Variants in MCTS1 observed in about 807,000 individuals in gnomAD.
MCTS1 encodes the protein MCTS1 re-initiation and release factor.
For synonymous variants in MCTS1, 26 were observed against 40.8 expected (o/e 0.64, Z 1.38); for missense variants, 55 against 128.6 (o/e 0.43, Z 2.77).
At chrX:120,604,963 C>T (rs1926494743) in intron 1 of MCTS1, 1 of 918,413 alleles carries the variant, frequency 1.1e-6, no homozygotes, top group African/African-American at 2.1e-5. Context: ...GATTACATAG[C>T]CTAGCAGGGG....
chrX:120,604,616 T>G (rs1926483405), intron 1 of MCTS1: 1 of 948,709 alleles, frequency 1.1e-6, no homozygotes, highest in African/African-American at 2.0e-5. Context: ...GCCATATGTT[T>G]ATTAGTTATG....
chrX:120,605,301 TA>T, intron 1 of MCTS1, 105 bp from the exon 2 acceptor site: 1 of 708,521 alleles, frequency 1.4e-6, no homozygotes, highest in Non-Finnish European at 2.0e-6. Context: ...ATTAAGTATC[TA>T]AATACTTGGT....
chrX:120,607,267 T>A (rs770544164), intron 3 of MCTS1, among the ~76,000 whole-genome samples: 1 of 111,847 alleles, frequency 8.9e-6, no homozygotes, highest in African/African-American at 3.2e-5. Context: ...ATACAGCGTG[T>A]AATGATCAAA....
Position 120,616,921 on chromosome X carries a change from C to G in MCTS1, c.*4657C>G, listed in dbSNP as rs1464478876. ...TATTTGTGAAATATAGCAAACATAG[C>G]TAGTAATACTAACAGGTGAAAACTG... On this transcript the variant is annotated 3_prime_UTR_variant, in exon 6 of 6. Transcript: ENST00000371317. Among the ~76,000 whole-genome samples the G allele has an allele frequency of 8.9e-6, 1 of 111,759 alleles. No homozygotes were observed. The highest frequency in any genetic ancestry group is 1.9e-5 in the Non-Finnish European group (1 of 53,130).
chrX:120,609,107 A>G (rs1435177415), intron 4 of MCTS1, among the ~76,000 whole-genome samples: 1 of 111,821 alleles, frequency 8.9e-6, no homozygotes, highest in Non-Finnish European at 1.9e-5. Context: ...TATCATAGCT[A>G]AAGTAGCCAT....
chrX:120,608,442 C>G lies in MCTS1; in HGVS notation c.396+84C>G, dbSNP rs1405759749. On this transcript the variant is annotated intron_variant, in intron 4 of 5. Transcript: ENST00000371317. ...GCGAAAGGTGTACCATCCAAGAGAA[C>G]ATTAGATGTACTTTTTTGAAGGTTA... 5 of 976,343 alleles carry G rather than the reference C, an allele frequency of 5.1e-6. No homozygotes were observed. In the Admixed American group the frequency reaches 9.8e-5, roughly 19 times the overall value. 80.5% of individuals were successfully genotyped at this position (976,343 alleles called of 1,213,427 possible). A position where few individuals can be genotyped will look rare whatever the true frequency, so the allele number is the denominator to read the frequency against.
At position 120,618,301 on chromosome X, in the gene MCTS1, T is replaced by C. The variant is rs989661796; in HGVS notation, c.*6037T>C. ...TTCTCATGATGTGAAAGATTTTGTATGCACGTCTTAGTCTGGATACTGTTT... is the reference window on the plus strand; with the variant it reads ...TTCTCATGATGTGAAAGATTTTGTACGCACGTCTTAGTCTGGATACTGTTT... On this transcript the variant is annotated 3_prime_UTR_variant, in exon 6 of 6. Transcript: ENST00000371317. 3.6e-5 allele frequency among the ~76,000 whole-genome samples: 4 copies of C among 112,573 alleles called. No individual in the cohort carries two copies. Among genetic ancestry groups the C allele is most frequent in the African/African-American group, 9.7e-5 (3 of 30,979 alleles).
Position 120,613,232 on chromosome X carries a change from T to G in MCTS1, c.*968T>G, listed in dbSNP as rs1296036439. On this transcript the variant is annotated 3_prime_UTR_variant, in exon 6 of 6. Transcript: ENST00000371317. ...TGAGCCACCGTGCCCAGCTAATTTT[T>G]ATATATTTTATAGTTGGCCAGGCTG... 3.6e-5 allele frequency among the ~76,000 whole-genome samples: 4 copies of G among 110,783 alleles called. No individual in the cohort carries two copies. The highest frequency in any genetic ancestry group is 3.8e-4 in the South Asian group (1 of 2,620).
rs1232933071 is a variant in MCTS1 at position 120,615,146 on chromosome X, G to T, written c.*2882G>T. ...GGTCATACATGAAAGGCAATTCAAA[G>T]AGATTAAACTAGCAGATGTGTCAGC... On this transcript the variant is annotated 3_prime_UTR_variant, in exon 6 of 6. Transcript: ENST00000371317. Among the ~76,000 whole-genome samples the T allele has an allele frequency of 8.9e-6, 1 of 112,285 alleles. No individual in the cohort carries two copies. The highest frequency in any genetic ancestry group is 1.9e-5 in the Non-Finnish European group (1 of 53,284).
intron 3 of MCTS1, among the ~76,000 whole-genome samples, chrX:120,607,098 T>A (rs1320985276): frequency 1.9e-5 from 2 of 104,463 alleles, no homozygotes; most frequent in Non-Finnish European, 2.0e-5. Flanking sequence ...TGTAAATGCA[T>A]TTTTTTTTAA....
At chrX:120,604,523 TC>T in intron 1 of MCTS1, 1 of 582,342 alleles carries the variant, frequency 1.7e-6, no homozygotes, top group Non-Finnish European at 2.5e-6. Flanking sequence ...CTGTCTCCAT[TC>T]CTAGGGTTCT....
intron 1 of MCTS1, 188 bp downstream of exon 1, chrX:120,604,435 C>A (rs184559610): frequency 6.7e-6 from 4 of 596,757 alleles, no homozygotes; most frequent in Admixed American, 4.1e-5. Flanking sequence ...ATCCGTAGTC[C>A]TTAATTGGGT....
At position 120,615,052 on chromosome X, in the gene MCTS1, C is replaced by T. The variant is rs932900141; in HGVS notation, c.*2788C>T. On this transcript the variant is annotated 3_prime_UTR_variant, in exon 6 of 6. Coordinates refer to ENST00000371317, the MANE Select transcript of MCTS1 (RefSeq NM_014060.3). ...TTCTCTGCTTCCCCTGGGTCTGAGG[C>T]CTCTGCTCATCACTGTTAATCAGGG... Among the ~76,000 whole-genome samples, 2 of 111,709 alleles carry T rather than the reference C, an allele frequency of 1.8e-5. No homozygotes were observed. The highest frequency in any genetic ancestry group is 6.5e-5 in the African/African-American group (2 of 30,722).
At chrX:120,606,851 G>C (rs757435478) in intron 3 of MCTS1, among the ~76,000 whole-genome samples, 1 of 102,485 alleles carries the variant, frequency 9.8e-6, no homozygotes, top group East Asian at 2.8e-4. Context: ...CATTCAGCTA[G>C]GTGCTGAGAA....
At position 120,620,038 on chromosome X, in the gene MCTS1, A is replaced by G. The variant is rs1178077856; in HGVS notation, c.*7774A>G. On this transcript the variant is annotated 3_prime_UTR_variant, in exon 6 of 6. Transcript: ENST00000371317. ...TGAAGATATCTGGGGAAGGCCGGGC[A>G]CGGTGGTTCACGCCTGTAATCCCAG... 4.5e-5 allele frequency among the ~76,000 whole-genome samples: 5 copies of G among 111,947 alleles called. No homozygotes were observed. Among genetic ancestry groups the G allele is most frequent in the South Asian group, 3.7e-4 (1 of 2,710 alleles).
chrX:120,612,689 G>GTA lies in MCTS1; in HGVS notation c.*426_*427insAT, dbSNP rs1312380418. Among the ~76,000 whole-genome samples the GTA allele has an allele frequency of 7.9e-5, 2 of 25,183 alleles. No individual in the cohort carries two copies. The highest frequency in any genetic ancestry group is 3.3e-4 in the African/African-American group (1 of 3,016). 21.9% of individuals were successfully genotyped at this position (25,183 alleles called of 115,157 possible). On this transcript the variant is annotated 3_prime_UTR_variant, in exon 6 of 6. Coordinates refer to ENST00000371317, the MANE Select transcript of MCTS1 (RefSeq NM_014060.3). ...TGTGTGTGTGTGTGTGTGTGTGTAT[G>GTA]TGTGTGTGTGTGTGTGTGTGTGTTT...
At chrX:120,608,538 A>G (rs752012648) in intron 4 of MCTS1, 180 bp downstream of exon 4, 6 of 458,588 alleles carry the variant, frequency 1.3e-5, no homozygotes, top group Non-Finnish European at 2.0e-5. Flanking sequence ...TGTTGCTACT[A>G]AATTATCTCA....
chrX:120,619,500 A>T lies in MCTS1; in HGVS notation c.*7236A>T, dbSNP rs1336753501. Among the ~76,000 whole-genome samples, 1 of 109,045 alleles carries T rather than the reference A, an allele frequency of 9.2e-6. No individual in the cohort carries two copies. Among genetic ancestry groups the T allele is most frequent in the Middle Eastern group, 4.8e-3 (1 of 207 alleles). The allele number at this position is 109,045 out of a possible 115,157, so 94.7% of individuals were successfully genotyped here. A position where few individuals can be genotyped will look rare whatever the true frequency, so the allele number is the denominator to read the frequency against. ...AGGCTCAGAGAGGTCATACAACTTC[A>T]GGAAAGTTGTATGACCTCTCTGAGG... On this transcript the variant is annotated 3_prime_UTR_variant, in exon 6 of 6. Transcript: ENST00000371317.
rs942744914 is a variant in MCTS1 at position 120,615,673 on chromosome X, T to C, written c.*3409T>C. 2.7e-5 allele frequency among the ~76,000 whole-genome samples: 3 copies of C among 111,569 alleles called. No individual in the cohort carries two copies. Among genetic ancestry groups the C allele is most frequent in the African/African-American group, 9.8e-5 (3 of 30,741 alleles). ...AAAAAAATCCCAGATGTCTTGGAGT[T>C]GCCGTGATTCAGCATCCCAACTCAG... On this transcript the variant is annotated 3_prime_UTR_variant, in exon 6 of 6. Transcript: ENST00000371317.
Sources: gnomAD v4.1 joint callset for allele counts (sites outside exome capture counted in the v4.1 genomes callset) on GRCh38, gnomAD v4.1.1 for gene constraint, MANE v1.5 for transcripts, NCBI Gene and HGNC (gene_info 2026-07-23, HGNC 2026-07-21) for gene names.